MAML3: variants seen among roughly 807,000 people sequenced by gnomAD.
MAML3 encodes the protein mastermind like transcriptional coactivator 3.
In MAML3, 27 loss-of-function variants were observed where a neutral mutation model predicts 101.9. That is an observed-to-expected ratio of 0.27 (90% CI 0.20 to 0.37). The LOEUF is 0.37. Ranked by LOEUF, MAML3 falls within the 10% of genes least tolerant of loss-of-function variation. The probability of loss-of-function intolerance (pLI) is 1.00; values close to 1 mark genes in which losing one functional copy is unlikely to be tolerated. For synonymous variants in MAML3, 501 were observed against 555.9 expected (o/e 0.90, Z 1.39); for missense variants, 1,316 against 1,444.9 (o/e 0.91, Z 1.45).
intron 1 of MAML3, among the ~76,000 whole-genome samples, chr4:140,042,478 C>T (rs1388264676): frequency 6.6e-6 from 1 of 151,804 alleles, no homozygotes; most frequent in Non-Finnish European, 1.5e-5. Context: ...ACTAAAAATA[C>T]AAAAAATTAG....
chr4:140,084,895 ACAATGCATCACCCTAGTC>A (rs1231494708), intron 1 of MAML3, among the ~76,000 whole-genome samples: 6 of 152,058 alleles, frequency 3.9e-5, no homozygotes, highest in Non-Finnish European at 7.4e-5. Flanking sequence ...TTTTTCCCCT[ACAATGCATCACCCTAGTC>A]CAATGTAACC....
intron 1 of MAML3, among the ~76,000 whole-genome samples, chr4:139,987,689 C>T (rs570326837): frequency 1.3e-5 from 2 of 152,060 alleles, no homozygotes; most frequent in East Asian, 3.9e-4. Flanking sequence ...TGCACCTTCC[C>T]GCCTGGCCAC....
chr4:139,924,921 T>C (rs1273248602), intron 1 of MAML3, among the ~76,000 whole-genome samples: 1 of 152,174 alleles, frequency 6.6e-6, no homozygotes, highest in African/African-American at 2.4e-5. Flanking sequence ...TTCCCAAATC[T>C]GCATTACTGA....
At chr4:139,801,847 T>C (rs1488405821) in intron 2 of MAML3, among the ~76,000 whole-genome samples, 2 of 152,234 alleles carry the variant, frequency 1.3e-5, no homozygotes, top group East Asian at 3.9e-4. Context: ...AGTACAGTCT[T>C]GTGAAGAGTT....
At chr4:139,756,425 A>G (rs1288430363) in intron 2 of MAML3, among the ~76,000 whole-genome samples, 2 of 152,226 alleles carry the variant, frequency 1.3e-5, no homozygotes, top group African/African-American at 4.8e-5. Context: ...GGCTGAAGAC[A>G]GAAAGTTGGC....
At chr4:140,030,044 G>C (rs919743640) in intron 1 of MAML3, among the ~76,000 whole-genome samples, 1 of 152,172 alleles carries the variant, frequency 6.6e-6, no homozygotes, top group African/African-American at 2.4e-5. Flanking sequence ...CGAAAAGGAT[G>C]AGGTAAGGAT....
At chr4:140,001,347 T>TA (rs1327543414) in intron 1 of MAML3, among the ~76,000 whole-genome samples, 1 of 152,238 alleles carries the variant, frequency 6.6e-6, no homozygotes, top group Non-Finnish European at 1.5e-5. Context: ...TGATAACTGT[T>TA]ACAATATTCA....
At chr4:139,807,979 A>G (rs1030636954) in intron 2 of MAML3, among the ~76,000 whole-genome samples, 6 of 151,794 alleles carry the variant, frequency 4.0e-5, no homozygotes, top group African/African-American at 1.4e-4. Flanking sequence ...CTGTTCTATA[A>G]TCAGGACTGA....
At chr4:139,894,445 G>A (rs945376673) in intron 1 of MAML3, among the ~76,000 whole-genome samples, 1 of 151,458 alleles carries the variant, frequency 6.6e-6, no homozygotes, top group Non-Finnish European at 1.5e-5. Context: ...GGGAGGCAGG[G>A]GCTACAGTGA....
intron 1 of MAML3, among the ~76,000 whole-genome samples, chr4:139,988,051 G>GAAGAAACA (rs70943464): frequency 0.27 from 33,908 of 126,840 alleles, 5,512 homozygotes; most frequent in Non-Finnish European, 0.37. Context: ...AAGGAAGAAA[G>GAAGAAACA]AAGAAACAAG....
intron 1 of MAML3, among the ~76,000 whole-genome samples, chr4:139,923,250 C>T (rs1299265635): frequency 1.3e-5 from 2 of 152,146 alleles, no homozygotes; most frequent in Non-Finnish European, 2.9e-5. Flanking sequence ...ACCAAGCAAA[C>T]AGCAAGGCTT....
At chr4:140,128,661 T>C (rs1728728217) in intron 1 of MAML3, among the ~76,000 whole-genome samples, 1 of 152,166 alleles carries the variant, frequency 6.6e-6, no homozygotes, top group South Asian at 2.1e-4. Context: ...GCAGTGGTCC[T>C]CTAGATGTGT....
At chr4:139,880,128 G>A (rs995517236) in intron 2 of MAML3, among the ~76,000 whole-genome samples, 2 of 151,796 alleles carry the variant, frequency 1.3e-5, no homozygotes, top group East Asian at 1.9e-4. Flanking sequence ...AGCCCAGATC[G>A]TGCCACTGCA....
rs571618938 is a variant in MAML3, at chr4:139,978,503, C to T, written c.469-87536G>A. Among the ~76,000 whole-genome samples, 28 of 151,928 alleles carry T rather than the reference C, an allele frequency of 1.8e-4. No individual in the cohort carries two copies. The South Asian group carries it at 4.4e-3, about 24-fold the overall frequency. ...TGAAAATCTGCAAATGCTTTAAAAA[C>T]GAGTGGCAGAGGATGGCGTCTCTGC... On this transcript the variant is annotated intron_variant, in intron 1 of 4. Coordinates refer to ENST00000509479, the MANE Select transcript of MAML3 (RefSeq NM_018717.5).
intron 1 of MAML3, among the ~76,000 whole-genome samples, chr4:139,957,243 T>G (rs1307101275): frequency 6.6e-6 from 1 of 152,238 alleles, no homozygotes; most frequent in Non-Finnish European, 1.5e-5. Context: ...TCCTGATATC[T>G]GTTCTAACAT....
chr4:140,028,543 T>G (rs919505218), intron 1 of MAML3, among the ~76,000 whole-genome samples: 3 of 152,204 alleles, frequency 2.0e-5, no homozygotes, highest in Admixed American at 1.3e-4. Flanking sequence ...CCATTAACAC[T>G]GGCTAACACA....
chr4:139,896,130 G>T (rs745700571), intron 1 of MAML3, among the ~76,000 whole-genome samples: 1 of 152,096 alleles, frequency 6.6e-6, no homozygotes, highest in African/African-American at 2.4e-5. Flanking sequence ...AGAGGGAGGC[G>T]GAGAGGGAGA....
At chr4:140,145,551 TTTTTGTTTTGTTTTG>T (rs370089585) in intron 1 of MAML3, among the ~76,000 whole-genome samples, 45 of 131,198 alleles carry the variant, frequency 3.4e-4, no homozygotes, top group African/African-American at 1.1e-3. Context: ...TTTTGAGATT[TTTTTGTTTTGTTTTG>T]TTTTGTTTTG....
intron 2 of MAML3, among the ~76,000 whole-genome samples, chr4:139,827,049 G>A (rs909267153): frequency 6.6e-6 from 1 of 152,138 alleles, no homozygotes; most frequent in South Asian, 2.1e-4. Flanking sequence ...CTAAAGCAGG[G>A]CTGTGAGTGC....
Sources: allele counts gnomAD v4.1 joint callset (sites outside exome capture counted in the v4.1 genomes callset), GRCh38; gene constraint gnomAD v4.1.1; transcripts MANE v1.5; gene names NCBI Gene and HGNC (gene_info 2026-07-23, HGNC 2026-07-21).